CALCR: variants seen among roughly 807,000 people sequenced by gnomAD.
CALCR encodes the protein calcitonin receptor.
In CALCR, 47 loss-of-function variants were observed where a neutral mutation model predicts 59.5. The ratio of observed to expected loss-of-function variants is 0.79; its 90% CI spans 0.63 to 1.01. The LOEUF (loss-of-function observed/expected upper bound fraction) is 1.01. Ranked by LOEUF, CALCR falls within the 50% of genes least tolerant of loss-of-function variation. The pLI, the probability that CALCR is intolerant of heterozygous loss-of-function variation, is 0.00. For synonymous variants in CALCR, 213 were observed against 211.3 expected (o/e 1.01, Z -0.07); for missense variants, 566 against 597.1 (o/e 0.95, Z 0.54).
intron 13 of CALCR, among the ~76,000 whole-genome samples, chr7:93,429,211 TA>T (rs1325539971): frequency 6.6e-6 from 1 of 152,114 alleles, no homozygotes; most frequent in Non-Finnish European, 1.5e-5. Context: ...AAAAGACACT[TA>T]AAAAATTATA....
chr7:93,435,101 G>A (rs1161472490), intron 12 of CALCR, among the ~76,000 whole-genome samples: 1 of 152,110 alleles, frequency 6.6e-6, no homozygotes, highest in Non-Finnish European at 1.5e-5. Flanking sequence ...AACTAGGGCA[G>A]CCATTCTCCT....
intron 2 of CALCR, among the ~76,000 whole-genome samples, chr7:93,560,163 A>G (rs962961744): frequency 8.5e-5 from 13 of 152,090 alleles, no homozygotes; most frequent in Non-Finnish European, 1.5e-4. Flanking sequence ...TGAGGACTGA[A>G]CTATGTCATA....
chr7:93,535,796 G>C (rs1226168375), intron 2 of CALCR, among the ~76,000 whole-genome samples: 1 of 151,712 alleles, frequency 6.6e-6, no homozygotes, highest in Non-Finnish European at 1.5e-5. Context: ...GATGACTTCT[G>C]TGACCACATT....
intron 2 of CALCR, among the ~76,000 whole-genome samples, chr7:93,495,170 A>C (rs1012114112): frequency 6.6e-6 from 1 of 151,434 alleles, no homozygotes; most frequent in Admixed American, 6.6e-5. Context: ...ATGCACCTTG[A>C]GAACTTTCAA....
At chr7:93,535,555 T>G (rs553545326) in intron 2 of CALCR, among the ~76,000 whole-genome samples, 1 of 151,832 alleles carries the variant, frequency 6.6e-6, no homozygotes, top group Admixed American at 6.6e-5. Context: ...ACACTATTAC[T>G]TCTATGAATA....
intron 2 of CALCR, among the ~76,000 whole-genome samples, chr7:93,517,851 T>C (rs1293070183): frequency 6.6e-6 from 1 of 151,786 alleles, no homozygotes; most frequent in Non-Finnish European, 1.5e-5. Context: ...TAGTTCAATA[T>C]AACTAAACAG....
At chr7:93,563,616 A>G (rs1017290059) in intron 2 of CALCR, among the ~76,000 whole-genome samples, 32 of 152,214 alleles carry the variant, frequency 2.1e-4, no homozygotes, top group Non-Finnish European at 4.4e-5. Flanking sequence ...GTAGAGGTTA[A>G]TATTTAGAAT....
chr7:93,573,974 C>T (rs1409776008), intron 2 of CALCR, among the ~76,000 whole-genome samples: 2 of 152,090 alleles, frequency 1.3e-5, no homozygotes, highest in East Asian at 3.9e-4. Context: ...TTTTCCTACC[C>T]AATAAGTTGG....
At chr7:93,541,810 G>A (rs971015795) in intron 2 of CALCR, among the ~76,000 whole-genome samples, 3 of 152,160 alleles carry the variant, frequency 2.0e-5, no homozygotes, top group Non-Finnish European at 2.9e-5. Flanking sequence ...GGCTATCCAC[G>A]GTAAACTGGA....
chr7:93,494,712 T>G (rs1160864483), intron 2 of CALCR, among the ~76,000 whole-genome samples: 1 of 151,312 alleles, frequency 6.6e-6, no homozygotes, highest in Non-Finnish European at 1.5e-5. Context: ...TTATGGTGAC[T>G]CCTGAGGAGG....
rs532015737 is a variant in CALCR, at chr7:93,489,487, T to A, written c.-26-2480A>T. On this transcript the variant is annotated intron_variant, in intron 2 of 13. Transcript: ENST00000426151. Reference sequence around the variant, plus strand: ...TCAATAAAACCAGGAGCTGGTTTTTTAAAAAAATTTAAAAAATAGATAAGC... The same window carrying A: ...TCAATAAAACCAGGAGCTGGTTTTTAAAAAAAATTTAAAAAATAGATAAGC... Among the ~76,000 whole-genome samples the A allele has an allele frequency of 2.0e-3, 310 of 151,436 alleles. 5 individuals carry two copies. In the East Asian group the frequency reaches 0.034, roughly 16 times the overall value.
intron 2 of CALCR, among the ~76,000 whole-genome samples, chr7:93,548,706 C>T (rs1789363206): frequency 6.7e-6 from 1 of 149,964 alleles, no homozygotes; most frequent in Admixed American, 6.6e-5. Context: ...CTTCATTCAT[C>T]TCATTAAGAG....
intron 3 of CALCR, among the ~76,000 whole-genome samples, chr7:93,484,343 G>A (rs1800873990): frequency 6.6e-6 from 1 of 151,776 alleles, no homozygotes; most frequent in African/African-American, 2.4e-5. Context: ...GGAACTTTGA[G>A]AAATGGTCCA....
intron 2 of CALCR, among the ~76,000 whole-genome samples, chr7:93,532,516 A>G (rs1171920818): frequency 6.6e-6 from 1 of 152,096 alleles, no homozygotes; most frequent in Non-Finnish European, 1.5e-5. Context: ...GGTTCTTTAC[A>G]GATGGATAAT....
intron 11 of CALCR, 117 bp downstream of exon 11, chr7:93,437,943 A>G: frequency 2.1e-6 from 2 of 957,982 alleles, no homozygotes; most frequent in Non-Finnish European, 3.2e-6. Flanking sequence ...ACTACAGAAT[A>G]CCATCAAATT....
intron 2 of CALCR, among the ~76,000 whole-genome samples, chr7:93,571,313 G>T (rs1047750194): frequency 6.6e-6 from 1 of 151,882 alleles, no homozygotes. Context: ...TTGAGGATAG[G>T]GATATGACTT....
chr7:93,509,455 T>C (rs1801498711), intron 2 of CALCR, among the ~76,000 whole-genome samples: 1 of 152,078 alleles, frequency 6.6e-6, no homozygotes, highest in Non-Finnish European at 1.5e-5. Flanking sequence ...GACCCTTTAG[T>C]ACACAGGACA....
At chr7:93,459,165 A>G (rs934758556) in intron 8 of CALCR, among the ~76,000 whole-genome samples, 2 of 152,208 alleles carry the variant, frequency 1.3e-5, no homozygotes, top group African/African-American at 4.8e-5. Flanking sequence ...TTGGTATCAC[A>G]GCACCAAAGT....
At chr7:93,556,119 T>G (rs1584629565) in intron 2 of CALCR, among the ~76,000 whole-genome samples, 1 of 152,176 alleles carries the variant, frequency 6.6e-6, no homozygotes, top group Non-Finnish European at 1.5e-5. Flanking sequence ...TCAAGATACT[T>G]GGGGATACTT....
Sources: gnomAD v4.1 joint callset for allele counts (sites outside exome capture counted in the v4.1 genomes callset) on GRCh38, gnomAD v4.1.1 for gene constraint, MANE v1.5 for transcripts, NCBI Gene and HGNC (gene_info 2026-07-23, HGNC 2026-07-21) for gene names.